PTPN13: variants seen among roughly 807,000 people sequenced by gnomAD.
PTPN13 encodes the protein tyrosine-protein phosphatase non-receptor type 13.
PTPN13 carries 191 observed loss-of-function variants against 284.0 expected under a neutral mutation model. The ratio of observed to expected loss-of-function variants is 0.67; its 90% CI spans 0.60 to 0.76. PTPN13 has a LOEUF of 0.76. Among genes scored for constraint, PTPN13 ranks in the 30% least tolerant of loss-of-function variants. The pLI, the probability that PTPN13 is intolerant of heterozygous loss-of-function variation, is 0.00. For synonymous variants in PTPN13, 986 were observed against 1,022.3 expected (o/e 0.96, Z 0.68); for missense variants, 2,797 against 2,939.9 (o/e 0.95, Z 1.12).
intron 7 of PTPN13, among the ~76,000 whole-genome samples, chr4:86,713,619 A>G (rs901740530): frequency 5.3e-5 from 8 of 152,148 alleles, no homozygotes; most frequent in Non-Finnish European, 8.8e-5. Context: ...TTCACCATAC[A>G]CAAAGCCAGA....
At chr4:86,673,959 G>A (rs1209311739) in intron 3 of PTPN13, among the ~76,000 whole-genome samples, 4 of 152,044 alleles carry the variant, frequency 2.6e-5, no homozygotes, top group South Asian at 2.1e-4. Context: ...CGCCTGCCTC[G>A]GCCTCCCAAA....
At chr4:86,696,998 A>G (rs1730656860) in intron 6 of PTPN13, among the ~76,000 whole-genome samples, 1 of 152,090 alleles carries the variant, frequency 6.6e-6, no homozygotes, top group Admixed American at 6.6e-5. Context: ...TTTTAAGGAC[A>G]GAACCAATAT....
At chr4:86,779,021 C>T (rs1740978828) in intron 35 of PTPN13, among the ~76,000 whole-genome samples, 1 of 147,624 alleles carries the variant, frequency 6.8e-6, no homozygotes, top group Non-Finnish European at 1.5e-5. Flanking sequence ...TAGCCAAGAA[C>T]CTATATGGCC....
rs764669231 is a variant in PTPN13, at chr4:86,762,933, G to T, written c.3760G>T (p.Ala1254Ser). ...TTCTCAAGATTCCAGGACTGAGAGT[G>T]CCAGCTTGTCTCAAAGCCAGGTCAA... ...LSSQDSRTESASLSQSQVNGF... is the reference protein window; with the variant it reads ...LSSQDSRTESSSLSQSQVNGF... The change falls in exon 24 of 48, where the codon GCC (alanine) becomes TCC (serine). Residue 1254 changes from alanine to serine, a missense_variant. Ala to Ser is a moderately conservative substitution (Grantham distance 99). Coordinates refer to ENST00000411767, the MANE Select transcript of PTPN13 (RefSeq NM_080683.3). 1.2e-6 allele frequency: 2 copies of T among 1,613,844 alleles called. No homozygotes were observed. Among genetic ancestry groups the T allele is most frequent in the Non-Finnish European group, 1.7e-6 (2 of 1,179,838 alleles).
chr4:86,682,967 C>T (rs1183594050), intron 3 of PTPN13, among the ~76,000 whole-genome samples: 2 of 152,122 alleles, frequency 1.3e-5, no homozygotes, highest in Non-Finnish European at 2.9e-5. Flanking sequence ...AGTTGTCTAA[C>T]AGCTCAACAA....
chr4:86,672,612 A>G, intron 3 of PTPN13, 69 bp downstream of exon 3: 1 of 1,248,320 alleles, frequency 8.0e-7, no homozygotes, highest in Non-Finnish European at 1.1e-6. Context: ...ACAATGGGCT[A>G]CCATGTTTCA....
At chr4:86,655,579 T>G (rs1725694852) in intron 2 of PTPN13, among the ~76,000 whole-genome samples, 3 of 152,230 alleles carry the variant, frequency 2.0e-5, no homozygotes, top group Admixed American at 6.5e-5. Flanking sequence ...CCCCACTCTC[T>G]TCTGGCGTGT....
chr4:86,735,962 C>T (rs1246563315), intron 15 of PTPN13, among the ~76,000 whole-genome samples: 2 of 152,092 alleles, frequency 1.3e-5, no homozygotes, highest in Non-Finnish European at 2.9e-5. Context: ...AGATATGGGG[C>T]AGATATGATT....
chr4:86,699,355 G>C (rs113528281), intron 6 of PTPN13, among the ~76,000 whole-genome samples: 4,152 of 151,790 alleles, frequency 0.027, 80 homozygotes, highest in South Asian at 0.055. Flanking sequence ...CACTGCACTC[G>C]AGCCTGGGAG....
intron 2 of PTPN13, among the ~76,000 whole-genome samples, chr4:86,664,260 T>TTA (rs1406428295): frequency 3.3e-5 from 5 of 152,176 alleles, no homozygotes; most frequent in Non-Finnish European, 7.4e-5. Flanking sequence ...GACTCTTATC[T>TTA]TAAATCATAC....
chr4:86,631,741 T>G (rs182650544), intron 1 of PTPN13, among the ~76,000 whole-genome samples: 23 of 152,224 alleles, frequency 1.5e-4, no homozygotes. Flanking sequence ...GCAACAGAGG[T>G]ATAATTAGCA....
At chr4:86,633,432 A>G (rs1446560588) in intron 1 of PTPN13, among the ~76,000 whole-genome samples, 1 of 152,134 alleles carries the variant, frequency 6.6e-6, no homozygotes, top group African/African-American at 2.4e-5. Context: ...ACTCCAGAGA[A>G]CATATATCAA....
intron 2 of PTPN13, among the ~76,000 whole-genome samples, chr4:86,651,717 A>G (rs1159819168): frequency 1.3e-5 from 2 of 152,014 alleles, no homozygotes; most frequent in African/African-American, 4.8e-5. Context: ...GGTTGGGTGT[A>G]TATTTCTAGG....
At chr4:86,695,212 C>A (rs2148983849) in intron 6 of PTPN13, among the ~76,000 whole-genome samples, 1 of 152,010 alleles carries the variant, frequency 6.6e-6, no homozygotes, top group East Asian at 1.9e-4. Flanking sequence ...TAATTTATTT[C>A]TGGTTAGATC....
intron 35 of PTPN13, among the ~76,000 whole-genome samples, chr4:86,778,241 A>G (rs1223418021): frequency 6.6e-6 from 1 of 152,208 alleles, no homozygotes; most frequent in African/African-American, 2.4e-5. Flanking sequence ...ACTTCCTTCC[A>G]TAAAGGGAAC....
intron 33 of PTPN13, among the ~76,000 whole-genome samples, chr4:86,774,941 A>G (rs1162873522): frequency 1.3e-5 from 2 of 152,098 alleles, no homozygotes; most frequent in African/African-American, 2.4e-5. Flanking sequence ...TAGCAAAATA[A>G]TGATGCATTT....
chr4:86,733,973 A>C (rs2149135038), intron 12 of PTPN13, among the ~76,000 whole-genome samples: 1 of 152,344 alleles, frequency 6.6e-6, no homozygotes, highest in Non-Finnish European at 1.5e-5. Context: ...GTAAAGCAAG[A>C]ATTCCCACTA....
intron 42 of PTPN13, among the ~76,000 whole-genome samples, chr4:86,801,512 C>T (rs566985997): frequency 6.6e-6 from 1 of 152,282 alleles, no homozygotes; most frequent in Admixed American, 6.5e-5. Context: ...GCTAAGCATA[C>T]TTGTAAAACT....
intron 2 of PTPN13, among the ~76,000 whole-genome samples, chr4:86,643,529 T>C (rs1364303525): frequency 6.6e-6 from 1 of 152,186 alleles, no homozygotes; most frequent in Non-Finnish European, 1.5e-5. Flanking sequence ...AGGGAATAAA[T>C]CTGTTAAATA....
Sources: gnomAD v4.1 joint callset for allele counts (sites outside exome capture counted in the v4.1 genomes callset) on GRCh38, gnomAD v4.1.1 for gene constraint, MANE v1.5 for transcripts, NCBI Gene and HGNC (gene_info 2026-07-23, HGNC 2026-07-21) for gene names.